The following CALCR variants were observed in gnomAD, a reference collection of about 807,000 sequenced individuals.
CALCR encodes the protein calcitonin receptor.
CALCR carries 47 observed loss-of-function variants against 59.5 expected under a neutral mutation model. The observed-to-expected ratio is 0.79, with a 90% CI of 0.63 to 1.01. The LOEUF (loss-of-function observed/expected upper bound fraction) is 1.01, where lower values mean the gene tolerates loss of function less well. Ranked by LOEUF, CALCR falls within the 50% of genes least tolerant of loss-of-function variation. The probability of loss-of-function intolerance (pLI) is 0.00; values close to 1 mark genes in which losing one functional copy is unlikely to be tolerated. For synonymous variants in CALCR, 213 were observed against 211.3 expected (o/e 1.01, Z -0.07); for missense variants, 566 against 597.1 (o/e 0.95, Z 0.54).
chr7:93,459,796 C>T (rs1002796595), intron 8 of CALCR, among the ~76,000 whole-genome samples: 1 of 152,124 alleles, frequency 6.6e-6, no homozygotes, highest in Non-Finnish European at 1.5e-5. Flanking sequence ...ACTCTCAGGA[C>T]AATTCTGGTA....
intron 2 of CALCR, among the ~76,000 whole-genome samples, chr7:93,488,518 T>C (rs146079610): frequency 1.4e-3 from 195 of 135,016 alleles, no homozygotes; most frequent in African/African-American, 5.1e-3. Context: ...ATCCATTTCA[T>C]GTGCAAAGAC....
At chr7:93,491,507 A>T (rs1801076515) in intron 2 of CALCR, among the ~76,000 whole-genome samples, 1 of 151,878 alleles carries the variant, frequency 6.6e-6, no homozygotes, top group Non-Finnish European at 1.5e-5. Context: ...AATCTACCTA[A>T]CTGACAAAGG....
intron 2 of CALCR, among the ~76,000 whole-genome samples, chr7:93,496,551 C>A (rs1162945524): frequency 6.6e-6 from 1 of 151,466 alleles, no homozygotes; most frequent in Non-Finnish European, 1.5e-5. Context: ...ATTTCTGAGG[C>A]CTTCAACATT....
At chr7:93,516,822 A>G (rs925967757) in intron 2 of CALCR, among the ~76,000 whole-genome samples, 1 of 151,888 alleles carries the variant, frequency 6.6e-6, no homozygotes, top group African/African-American at 2.4e-5. Flanking sequence ...TAAAATATAA[A>G]TTGCCCAGAA....
At chr7:93,484,637 C>T (rs1233458806) in intron 3 of CALCR, among the ~76,000 whole-genome samples, 3 of 151,772 alleles carry the variant, frequency 2.0e-5, no homozygotes, top group Non-Finnish European at 4.4e-5. Context: ...GATCAGATGC[C>T]TGGCTGGTGT....
At chr7:93,463,176 A>C (rs1380198057) in intron 7 of CALCR, among the ~76,000 whole-genome samples, 1 of 151,926 alleles carries the variant, frequency 6.6e-6, no homozygotes, top group East Asian at 1.9e-4. Context: ...ACTAGCTAAC[A>C]TGGAACATTA....
At chr7:93,565,528 T>C (rs567464867) in intron 2 of CALCR, among the ~76,000 whole-genome samples, 1 of 152,342 alleles carries the variant, frequency 6.6e-6, no homozygotes, top group South Asian at 2.1e-4. Flanking sequence ...CCTCATGGGA[T>C]GCAATACAAT....
chr7:93,487,011 GA>G lies in CALCR; in HGVS notation c.-26-5del. ...GATTTTTGAAGATCTCTTTGTCCTA[GA>G]AAAATATAAAAGCAACAAAGACTAA... On this transcript the variant is annotated splice_region_variant and splice_polypyrimidine_tract_variant and intron_variant, in intron 2 of 13. Coordinates refer to ENST00000426151, the MANE Select transcript of CALCR (RefSeq NM_001742.4). 1 of 1,507,012 alleles carries G rather than the reference GA, an allele frequency of 6.6e-7. No individual in the cohort carries two copies. The highest frequency in any genetic ancestry group is 9.2e-7 in the Non-Finnish European group (1 of 1,090,350). The allele number at this position is 1,507,012 out of a possible 1,614,324, so 93.4% of individuals were successfully genotyped here.
At chr7:93,475,983 C>T (rs147703749) in intron 5 of CALCR, among the ~76,000 whole-genome samples, 167 of 151,884 alleles carry the variant, frequency 1.1e-3, no homozygotes, top group African/African-American at 3.9e-3. Flanking sequence ...TCCAGATTCA[C>T]GCAGGGGAAC....
At chr7:93,568,341 T>A (rs1789913484) in intron 2 of CALCR, among the ~76,000 whole-genome samples, 1 of 151,980 alleles carries the variant, frequency 6.6e-6, no homozygotes, top group Non-Finnish European at 1.5e-5. Context: ...ACAATCAGTG[T>A]CTCCATTTCC....
chr7:93,522,156 A>G (rs1355727117), intron 2 of CALCR, among the ~76,000 whole-genome samples: 2 of 152,136 alleles, frequency 1.3e-5, no homozygotes, highest in East Asian at 3.8e-4. Flanking sequence ...ATCATAGAAA[A>G]AGCCATTTTT....
At chr7:93,426,852 A>C (rs1799541616) in intron 13 of CALCR, among the ~76,000 whole-genome samples, 1 of 152,218 alleles carries the variant, frequency 6.6e-6, no homozygotes. Context: ...TTTAGCTTTC[A>C]TATCCAATGA....
chr7:93,509,126 AG>A (rs1801491597), intron 2 of CALCR, among the ~76,000 whole-genome samples: 2 of 152,110 alleles, frequency 1.3e-5, no homozygotes, highest in Non-Finnish European at 1.5e-5. Flanking sequence ...CTCAGGTAAA[AG>A]CATGGTGCCA....
intron 2 of CALCR, among the ~76,000 whole-genome samples, chr7:93,571,776 C>T (rs1790011156): frequency 6.6e-6 from 1 of 152,130 alleles, no homozygotes; most frequent in Non-Finnish European, 1.5e-5. Context: ...TCAATTTCCT[C>T]ATACATAAAA....
At chr7:93,521,609 T>A (rs535231846) in intron 2 of CALCR, among the ~76,000 whole-genome samples, 1 of 152,244 alleles carries the variant, frequency 6.6e-6, no homozygotes, top group African/African-American at 2.4e-5. Flanking sequence ...TAGATTTTAT[T>A]TTTCTAAACC....
chr7:93,447,613 G>A (rs1277703490), intron 8 of CALCR, among the ~76,000 whole-genome samples: 1 of 151,866 alleles, frequency 6.6e-6, no homozygotes, highest in Non-Finnish European at 1.5e-5. Flanking sequence ...ACAACGAAAA[G>A]CAATGATCAT....
chr7:93,466,042 T>C (rs1800435031), intron 7 of CALCR, among the ~76,000 whole-genome samples: 2 of 151,850 alleles, frequency 1.3e-5, no homozygotes, highest in South Asian at 4.1e-4. Context: ...GGAATGATTG[T>C]GAATGGGGCG....
chr7:93,452,529 A>G (rs994823165), intron 8 of CALCR, among the ~76,000 whole-genome samples: 2 of 152,002 alleles, frequency 1.3e-5, no homozygotes, highest in Admixed American at 1.3e-4. Flanking sequence ...AAATACTGCA[A>G]TCTTTCTCCA....
intron 6 of CALCR, among the ~76,000 whole-genome samples, chr7:93,471,571 T>C (rs1800554308): frequency 1.3e-5 from 2 of 151,854 alleles, no homozygotes; most frequent in East Asian, 1.9e-4. Flanking sequence ...TGAATAATTA[T>C]TTAGTATACA....
Sources: allele counts gnomAD v4.1 joint callset (sites outside exome capture counted in the v4.1 genomes callset), GRCh38; gene constraint gnomAD v4.1.1; transcripts MANE v1.5; gene names NCBI Gene and HGNC (gene_info 2026-07-23, HGNC 2026-07-21).